TSPAN9: variants seen among roughly 807,000 people sequenced by gnomAD.
The protein encoded by TSPAN9 is tetraspanin-9.
Under a neutral mutation model 31.0 loss-of-function variants are expected in TSPAN9, and 16 were observed. The ratio of observed to expected loss-of-function variants is 0.52; its 90% confidence interval spans 0.35 to 0.78. The LOEUF is 0.78. Among genes scored for constraint, TSPAN9 ranks in the 30% least tolerant of loss-of-function variants. The pLI is 0.01. For missense variants in TSPAN9, 272 were observed against 312.5 expected, an observed-to-expected ratio of 0.87 and a Z score of 0.98; for synonymous variants, 145 against 121.6, an observed-to-expected ratio of 1.19 and a Z score of -1.27.
intron 2 of TSPAN9, among the ~76,000 whole-genome samples, chr12:3,086,565 C>T (rs1435799076): frequency 6.6e-6 from 1 of 151,862 alleles, no homozygotes; most frequent in Non-Finnish European, 1.5e-5. Flanking sequence ...GAGAGCAGTC[C>T]AGGGGGTCCG....
At chr12:3,078,229 G>T (rs1171536508) in intron 1 of TSPAN9, among the ~76,000 whole-genome samples, 1 of 152,056 alleles carries the variant, frequency 6.6e-6, no homozygotes, top group Non-Finnish European at 1.5e-5. Flanking sequence ...ACCAAAACGG[G>T]GGGTAAGAAG....
intron 2 of TSPAN9, among the ~76,000 whole-genome samples, chr12:3,097,828 C>T (rs1229285724): frequency 1.3e-5 from 2 of 152,226 alleles, no homozygotes; most frequent in African/African-American, 4.8e-5. Context: ...CTAGGGACAG[C>T]TCTGATCTCA....
intron 2 of TSPAN9, among the ~76,000 whole-genome samples, chr12:3,100,886 G>A (rs1190870632): frequency 6.6e-6 from 1 of 152,198 alleles, no homozygotes; most frequent in Admixed American, 6.5e-5. Context: ...GTGCTAGGTG[G>A]CCAATGTTTG....
intron 2 of TSPAN9, among the ~76,000 whole-genome samples, chr12:3,149,138 G>T (rs559336370): frequency 2.4e-4 from 36 of 152,312 alleles, no homozygotes; most frequent in South Asian, 2.1e-3. Flanking sequence ...AAGTTCTTTT[G>T]GCACTTCTTA....
rs556812532 is a variant in TSPAN9 at position 3,265,092 on chromosome 12, G to A, written c.64-13329G>A. On this transcript the variant is annotated intron_variant, in intron 3 of 8. Coordinates refer to ENST00000011898, the MANE Select transcript of TSPAN9 (RefSeq NM_006675.5). ...ACGATCTTGTGTGTGGTAGAAGCCA[G>A]CGCAGTGCTGGGCTCAGGGCAGATG... Among the ~76,000 whole-genome samples, 64 of 152,332 alleles carry A rather than the reference G, an allele frequency of 4.2e-4. No homozygotes were observed. The South Asian group carries it at 0.012, about 30-fold the overall frequency.
At chr12:3,174,789 A>G (rs904207827) in intron 2 of TSPAN9, among the ~76,000 whole-genome samples, 289 of 149,166 alleles carry the variant, frequency 1.9e-3, no homozygotes, top group African/African-American at 6.3e-3. Flanking sequence ...TCACCGTGTT[A>G]GCCAGGATGG....
chr12:3,212,514 C>A (rs1299253247), intron 3 of TSPAN9, among the ~76,000 whole-genome samples: 3 of 84,428 alleles, frequency 3.6e-5, no homozygotes, highest in Non-Finnish European at 8.1e-5. Context: ...TGGCCTTAAG[C>A]AATCCTGCCT....
chr12:3,203,507 A>C (rs2098373196), intron 3 of TSPAN9, among the ~76,000 whole-genome samples: 1 of 152,192 alleles, frequency 6.6e-6, no homozygotes, highest in Admixed American at 6.5e-5. Context: ...TAGTTGGTGG[A>C]ATATATTTTC....
chr12:3,271,821 G>A (rs981424437), intron 3 of TSPAN9, among the ~76,000 whole-genome samples: 1 of 152,154 alleles, frequency 6.6e-6, no homozygotes, highest in African/African-American at 2.4e-5. Flanking sequence ...TGGAGGCAAG[G>A]GGTGTCTGAA....
intron 3 of TSPAN9, among the ~76,000 whole-genome samples, chr12:3,254,916 C>T (rs1434450440): frequency 1.3e-5 from 2 of 152,172 alleles, no homozygotes; most frequent in African/African-American, 4.8e-5. Flanking sequence ...ATGCATCATG[C>T]ACACATGTGT....
At position 3,280,258 on chromosome 12, in the gene TSPAN9, A is replaced by G; in HGVS notation, c.331-124A>G. The stretch of plus-strand genomic sequence containing the variant: ...CCCAGTGGGCAGGGCCTTCCAGACC[A>G]GCTGCCTTCCCTGCCTTCCTCACTC... On this transcript the variant is annotated intron_variant, in intron 5 of 8. Coordinates refer to ENST00000011898, the MANE Select transcript of TSPAN9 (RefSeq NM_006675.5). The surrounding 1 kb of genome is among the most constrained non-coding windows in gnomAD (Gnocchi z 4.5). 1 of 840,812 alleles carries G rather than the reference A, an allele frequency of 1.2e-6. No homozygotes were observed. Among genetic ancestry groups the G allele is most frequent in the East Asian group, 2.6e-5 (1 of 37,842 alleles). The allele number at this position is 840,812 out of a possible 1,614,324, so 52.1% of individuals were successfully genotyped here.
intron 8 of TSPAN9, 80 bp from the exon 9 acceptor site, chr12:3,282,965 G>A: frequency 1.4e-6 from 2 of 1,460,360 alleles, no homozygotes; most frequent in South Asian, 2.3e-5. Context: ...GGTGCCCTGT[G>A]ACATCCCAAG....
chr12:3,126,217 C>T (rs765054586), intron 2 of TSPAN9, among the ~76,000 whole-genome samples: 1 of 152,168 alleles, frequency 6.6e-6, no homozygotes, highest in Non-Finnish European at 1.5e-5. Context: ...AATAAGGGAT[C>T]GATAACTATA....
At chr12:3,094,863 TTTTTTTG>T (rs869091187) in intron 2 of TSPAN9, among the ~76,000 whole-genome samples, 32 of 96,446 alleles carry the variant, frequency 3.3e-4, no homozygotes, top group Non-Finnish European at 6.4e-4. Flanking sequence ...TTTTTTTTTT[TTTTTTTG>T]TTTTTAAATT....
chr12:3,136,934 C>T (rs1233274277), intron 2 of TSPAN9, among the ~76,000 whole-genome samples: 1 of 152,200 alleles, frequency 6.6e-6, no homozygotes, highest in East Asian at 1.9e-4. Flanking sequence ...GTCCCAGCTG[C>T]CAGAACCCCT....
At chr12:3,191,788 T>C (rs997914976) in intron 2 of TSPAN9, among the ~76,000 whole-genome samples, 1 of 152,116 alleles carries the variant, frequency 6.6e-6, no homozygotes, top group Non-Finnish European at 1.5e-5. Context: ...CATGGTCTAG[T>C]AGAAGAATCA....
chr12:3,164,260 T>C (rs1030617558), intron 2 of TSPAN9, among the ~76,000 whole-genome samples: 3 of 152,150 alleles, frequency 2.0e-5, no homozygotes, highest in African/African-American at 7.2e-5. Context: ...TTTTCAGACA[T>C]AGGGTCTACA....
intron 2 of TSPAN9, among the ~76,000 whole-genome samples, chr12:3,152,476 G>A (rs1001653111): frequency 3.3e-5 from 5 of 152,202 alleles, no homozygotes; most frequent in East Asian, 3.9e-4. Context: ...TGTCCCCAGC[G>A]ATGGACACAG....
chr12:3,201,250 A>T lies in TSPAN9; in HGVS notation c.57A>T (p.Ile19=). The T allele has an allele frequency of 6.2e-7, 1 of 1,614,010 alleles. No homozygotes were observed. ...ACATGATGTTCCTCTTCAATTTGAT[A>T]TTCTGGGTAAGTCCTTCCGTTTCTC... is the stretch of plus-strand genomic sequence containing the variant. ...LKYMMFLFNL[I]FWLCGCGLLG... The change falls in exon 3 of 9, where the codon ATA becomes ATT. Residue 19 remains isoleucine, a synonymous_variant. Coordinates refer to ENST00000011898, the MANE Select transcript of TSPAN9 (RefSeq NM_006675.5).
Sources: allele counts gnomAD v4.1 joint callset (sites outside exome capture counted in the v4.1 genomes callset), GRCh38; gene constraint gnomAD v4.1.1; non-coding constraint Gnocchi (gnomAD v3.1); transcripts MANE v1.5; gene names NCBI Gene and HGNC (gene_info 2026-07-23, HGNC 2026-07-21).